The following PIK3R4 variants were observed in gnomAD, a reference collection of about 807,000 sequenced individuals.
PIK3R4 encodes phosphoinositide 3-kinase regulatory subunit 4.
A neutral mutation model predicts 136.5 loss-of-function variants in PIK3R4; 46 were observed. The observed-to-expected ratio is 0.34, with a 90% CI of 0.27 to 0.43. The LOEUF (loss-of-function observed/expected upper bound fraction) is 0.43. PIK3R4 is among the 20% of genes least tolerant of loss of function. The pLI is 1.00. For synonymous variants in PIK3R4, 557 were observed against 566.7 expected (o/e 0.98, Z 0.24); for missense variants, 1,331 against 1,649.5 (o/e 0.81, Z 3.35).
intron 13 of PIK3R4, among the ~76,000 whole-genome samples, chr3:130,695,805 T>C (rs2066542849): frequency 6.6e-6 from 1 of 152,180 alleles, no homozygotes. Context: ...TTTGGTACTA[T>C]CCGAGGTTTG....
chr3:130,701,803 G>A (rs1230416705), intron 13 of PIK3R4, among the ~76,000 whole-genome samples: 1 of 151,748 alleles, frequency 6.6e-6, no homozygotes, highest in African/African-American at 2.4e-5. Flanking sequence ...TTTTTAGAGG[G>A]CACATACTGA....
intron 13 of PIK3R4, among the ~76,000 whole-genome samples, chr3:130,698,494 C>G (rs1409330100): frequency 1.3e-5 from 2 of 152,134 alleles, no homozygotes; most frequent in South Asian, 2.1e-4. Flanking sequence ...AGTTCTCCAG[C>G]AAATTTTCTG....
At chr3:130,722,072 A>G (rs1409651710) in intron 7 of PIK3R4, among the ~76,000 whole-genome samples, 2 of 152,170 alleles carry the variant, frequency 1.3e-5, no homozygotes, top group East Asian at 3.9e-4. Context: ...CAGAATACAC[A>G]TAGTTTAAAA....
chr3:130,732,064 AGAAAAGCAG>A (rs1276653871), intron 4 of PIK3R4, among the ~76,000 whole-genome samples: 1 of 152,224 alleles, frequency 6.6e-6, no homozygotes, highest in Non-Finnish European at 1.5e-5. Context: ...AGAAGACCAA[AGAAAAGCAG>A]GATTGCTTCA....
chr3:130,706,697 C>G (rs1391408935), intron 11 of PIK3R4, among the ~76,000 whole-genome samples: 1 of 152,176 alleles, frequency 6.6e-6, no homozygotes, highest in African/African-American at 2.4e-5. Context: ...ATAATAATGT[C>G]TTCAACCCAC....
chr3:130,745,198 G>T lies in PIK3R4; in HGVS notation c.21C>A (p.Gly7=), dbSNP rs2066845702. The change falls in exon 2 of 20, where the codon GGC becomes GGA. Residue 7 remains glycine (G), a synonymous_variant. Coordinates refer to ENST00000356763, the MANE Select transcript of PIK3R4 (RefSeq NM_014602.3). The part of the protein sequence containing the change: MGNQLA[G]IAPSQILSVE... ...CAGAAAGGATCTGGGAGGGAGCAAT[G>T]CCAGCAAGCTGATTTCCCATAATGG... The T allele has an allele frequency of 6.2e-7, 1 of 1,601,950 alleles. No individual in the cohort carries two copies. Among genetic ancestry groups the T allele is most frequent in the Non-Finnish European group, 8.5e-7 (1 of 1,177,676 alleles).
chr3:130,741,542 T>G (rs1156678592), intron 2 of PIK3R4, among the ~76,000 whole-genome samples: 2 of 152,328 alleles, frequency 1.3e-5, no homozygotes, highest in East Asian at 3.9e-4. Context: ...ACAACTTGTT[T>G]AAATCGTCAC....
At chr3:130,723,362 A>C (rs2066713677) in intron 7 of PIK3R4, 52 bp downstream of exon 7, 4 of 1,486,228 alleles carry the variant, frequency 2.7e-6, no homozygotes, top group Non-Finnish European at 3.7e-6. Context: ...TTACCTAGAA[A>C]TTTTATAAAG....
chr3:130,744,141 C>T (rs1482100724), intron 2 of PIK3R4, among the ~76,000 whole-genome samples: 2 of 152,158 alleles, frequency 1.3e-5, no homozygotes, highest in Admixed American at 1.3e-4. Context: ...CAATCAACAC[C>T]GCATTGAAAT....
At chr3:130,722,166 T>TA (rs140304698) in intron 7 of PIK3R4, among the ~76,000 whole-genome samples, 29,090 of 152,130 alleles carry the variant, frequency 0.19, 3,068 homozygotes, top group South Asian at 0.35. Flanking sequence ...TTTTTACTTT[T>TA]AAACAGTTTT....
chr3:130,708,596 T>C (rs1054838886), intron 9 of PIK3R4, 104 bp from the exon 10 acceptor site: 21 of 995,472 alleles, frequency 2.1e-5, no homozygotes, highest in Non-Finnish European at 3.0e-5. Context: ...AATTTAAAAC[T>C]GAAAAGAGAC....
At chr3:130,692,038 C>T (rs546247216) in intron 13 of PIK3R4, among the ~76,000 whole-genome samples, 1 of 151,778 alleles carries the variant, frequency 6.6e-6, no homozygotes, top group Non-Finnish European at 1.5e-5. Flanking sequence ...CCACACCCAG[C>T]TAATTTTTTT....
chr3:130,745,285 T>A lies in PIK3R4; in HGVS notation c.-46-21A>T. 5.5e-6 allele frequency: 8 copies of A among 1,448,636 alleles called. No individual in the cohort carries two copies. In the South Asian group the frequency reaches 5.6e-5, roughly 10 times the overall value. 89.7% of individuals were successfully genotyped at this position (1,448,636 alleles called of 1,614,324 possible). ...AATACCTGTTTAAAATAAAAACAAA[T>A]GAAGAAAAAAGACAAGAAACAAAGA... is the stretch of plus-strand genomic sequence containing the variant. On this transcript the variant is annotated intron_variant, in intron 1 of 19. Transcript: ENST00000356763.
chr3:130,703,017 G>C (rs2066583395), intron 13 of PIK3R4, among the ~76,000 whole-genome samples: 1 of 152,056 alleles, frequency 6.6e-6, no homozygotes, highest in Non-Finnish European at 1.5e-5. Context: ...ACCAGCTCTT[G>C]CCTGATTATT....
intron 9 of PIK3R4, among the ~76,000 whole-genome samples, chr3:130,709,813 T>C (rs2066624896): frequency 1.3e-5 from 2 of 152,118 alleles, no homozygotes; most frequent in Admixed American, 6.6e-5. Context: ...ATATGAAATG[T>C]CCAGATTAAG....
At position 130,726,739 on chromosome 3, in the gene PIK3R4, A is replaced by G. The variant is rs145120381; in HGVS notation, c.1807+1724T>C. 2.8e-3 allele frequency among the ~76,000 whole-genome samples: 431 copies of G among 152,038 alleles called. 2 individuals carry two copies. Among genetic ancestry groups the G allele is most frequent in the African/African-American group, 9.6e-3 (400 of 41,556 alleles). On this transcript the variant is annotated intron_variant, in intron 6 of 19. Transcript: ENST00000356763. ...AGTAATATAAGCATATTTATTTTTT[A>G]TAAATAAAAAATTTATTTTTAAATT... is the stretch of plus-strand genomic sequence containing the variant.
chr3:130,715,419 C>T (rs1387358999), intron 9 of PIK3R4, among the ~76,000 whole-genome samples: 2 of 151,926 alleles, frequency 1.3e-5, no homozygotes, highest in East Asian at 1.9e-4. Flanking sequence ...CCACGGCACC[C>T]GGCCTGTTTC....
chr3:130,689,193 T>C (rs991559634), intron 14 of PIK3R4, among the ~76,000 whole-genome samples: 3 of 152,234 alleles, frequency 2.0e-5, no homozygotes, highest in Admixed American at 1.3e-4. Context: ...CCTGTCTCCT[T>C]ACCTAGGTAG....
intron 2 of PIK3R4, among the ~76,000 whole-genome samples, chr3:130,737,102 G>A (rs1444329337): frequency 2.2e-4 from 33 of 152,142 alleles, no homozygotes; most frequent in Admixed American, 6.5e-5. Flanking sequence ...TACCTAGAAT[G>A]CTATTCCCCC....
Sources: allele counts gnomAD v4.1 joint callset (sites outside exome capture counted in the v4.1 genomes callset), GRCh38; gene constraint gnomAD v4.1.1; transcripts MANE v1.5; gene names NCBI Gene and HGNC (gene_info 2026-07-23, HGNC 2026-07-21).